The following GFPT1 variants were observed in gnomAD, a reference collection of about 807,000 sequenced individuals.
GFPT1 encodes glutamine--fructose-6-phosphate aminotransferase [isomerizing] 1.
A neutral mutation model predicts 92.0 loss-of-function variants in GFPT1; 40 were observed. That is an observed-to-expected ratio of 0.43 (90% CI 0.34 to 0.57). The LOEUF is 0.57. Among genes scored for constraint, GFPT1 ranks in the 20% least tolerant of loss-of-function variants. The probability of loss-of-function intolerance (pLI) is 0.02; values close to 1 mark genes in which losing one functional copy is unlikely to be tolerated. For missense variants in GFPT1, 448 were observed against 869.1 expected (o/e 0.52, Z 6.09); for synonymous variants, 269 against 280.6 (o/e 0.96, Z 0.41).
chr2:69,326,121 G>C lies in GFPT1; in HGVS notation c.*68C>G, dbSNP rs1574038189. 2.0e-6 allele frequency: 2 copies of C among 1,023,182 alleles called. No homozygotes were observed. The highest frequency in any genetic ancestry group is 4.8e-5 in the East Asian group (2 of 42,032). 63.4% of individuals were successfully genotyped at this position (1,023,182 alleles called of 1,614,324 possible). On this transcript the variant is annotated 3_prime_UTR_variant, in exon 20 of 20. Transcript: ENST00000357308. ...TCAAGGGGTGATATTTTAAATCAAG[G>C]TTTTAAATACAAAAGGTGTCTTGTG...
intron 3 of GFPT1, among the ~76,000 whole-genome samples, chr2:69,367,890 C>T (rs1012786142): frequency 6.6e-6 from 1 of 152,206 alleles, no homozygotes; most frequent in African/African-American, 2.4e-5. Flanking sequence ...GCAATATCTA[C>T]AAGTTTCCAT....
intron 7 of GFPT1, among the ~76,000 whole-genome samples, chr2:69,356,068 T>C (rs1671330340): frequency 7.4e-6 from 1 of 134,368 alleles, no homozygotes; most frequent in Non-Finnish European, 1.5e-5. Flanking sequence ...CTCGGCTCAC[T>C]GAAACCTCTT....
rs753072061 is a variant in GFPT1, at chr2:69,346,009, T to A, written c.1010-10A>T. 1 of 1,422,614 alleles carries A rather than the reference T, an allele frequency of 7.0e-7. No homozygotes were observed. The allele number at this position is 1,422,614 out of a possible 1,614,324, so 88.1% of individuals were successfully genotyped here. A position where few individuals can be genotyped will look rare whatever the true frequency, so the allele number is the denominator to read the frequency against. On this transcript the variant is annotated splice_polypyrimidine_tract_variant and intron_variant, in intron 11 of 19. Transcript: ENST00000357308. ...AATGAACTGAAGTTGCCTATAGTAA[T>A]AGAAATCACATAATTAAAACAAAAA... is the stretch of plus-strand genomic sequence containing the variant.
At chr2:69,380,661 G>C (rs969924046) in intron 1 of GFPT1, among the ~76,000 whole-genome samples, 2 of 152,052 alleles carry the variant, frequency 1.3e-5, no homozygotes, top group African/African-American at 4.8e-5. Context: ...TCTCTCTTCT[G>C]ACCATTCACA....
intron 12 of GFPT1, among the ~76,000 whole-genome samples, chr2:69,344,829 T>C (rs542171077): frequency 6.6e-6 from 1 of 151,662 alleles, no homozygotes; most frequent in South Asian, 2.1e-4. Context: ...AAATTTTTAG[T>C]AAAAAGGAGG....
intron 8 of GFPT1, 53 bp downstream of exon 8, chr2:69,354,435 TA>T: frequency 7.6e-7 from 1 of 1,309,140 alleles, no homozygotes; most frequent in African/African-American, 1.4e-5. Flanking sequence ...TATTCCAACT[TA>T]AGGAAAATAA....
chr2:69,387,133 C>T lies in GFPT1; in HGVS notation c.-62G>A. ...TGGCTGGCGGGATCGGGGGTGCACA[C>T]ACGAGCTTCGGTGGGCAATCTGCGG... On this transcript the variant is annotated 5_prime_UTR_variant, in exon 1 of 20. It adds an upstream start codon to the 5' untranslated region. Coordinates refer to ENST00000357308, the MANE Select transcript of GFPT1 (RefSeq NM_001244710.2). 1 of 1,500,238 alleles carries T rather than the reference C, an allele frequency of 6.7e-7. No homozygotes were observed. The highest frequency in any genetic ancestry group is 1.2e-5 in the South Asian group (1 of 80,740). 92.9% of individuals were successfully genotyped at this position (1,500,238 alleles called of 1,614,324 possible).
Position 69,325,646 on chromosome 2 carries a change from T to C in GFPT1, c.*543A>G, listed in dbSNP as rs1212871667. The C allele has an allele frequency of 6.6e-6, 1 of 152,562 alleles. No homozygotes were observed. The highest frequency in any genetic ancestry group is 6.5e-5 in the Admixed American group (1 of 15,332). The allele number at this position is 152,562 out of a possible 1,614,324, so 9.5% of individuals were successfully genotyped here. A position where few individuals can be genotyped will look rare whatever the true frequency, so the allele number is the denominator to read the frequency against. On this transcript the variant is annotated 3_prime_UTR_variant, in exon 20 of 20. Coordinates refer to ENST00000357308, the MANE Select transcript of GFPT1 (RefSeq NM_001244710.2). The stretch of plus-strand genomic sequence containing the variant: ...GCTAACCAAACTTAGATATAAATCC[T>C]ACCAATAAAATTTTTCAGTTTTAAG...
intron 4 of GFPT1, among the ~76,000 whole-genome samples, chr2:69,363,341 C>T (rs1185288110): frequency 1.3e-5 from 2 of 152,060 alleles, no homozygotes; most frequent in East Asian, 3.9e-4. Context: ...TGGACTCAAG[C>T]AATCCTCCCA....
intron 4 of GFPT1, among the ~76,000 whole-genome samples, chr2:69,362,236 C>G (rs1310796481): frequency 6.6e-6 from 1 of 152,062 alleles, no homozygotes; most frequent in South Asian, 2.1e-4. Context: ...TCAGGTGATC[C>G]TCCTGCCTTA....
intron 7 of GFPT1, 91 bp downstream of exon 7, chr2:69,356,405 T>G: frequency 1.1e-6 from 1 of 907,566 alleles, no homozygotes; most frequent in Non-Finnish European, 1.9e-6. Context: ...GGCAGAGCCT[T>G]TATAATAAAG....
chr2:69,350,710 C>T (rs1472678361), intron 9 of GFPT1, among the ~76,000 whole-genome samples: 1 of 152,064 alleles, frequency 6.6e-6, no homozygotes, highest in African/African-American at 2.4e-5. Context: ...CAAGACCAGC[C>T]TGGTCAACAT....
At chr2:69,359,018 C>A (rs1463809523) in intron 5 of GFPT1, among the ~76,000 whole-genome samples, 1 of 152,182 alleles carries the variant, frequency 6.6e-6, no homozygotes, top group African/African-American at 2.4e-5. Flanking sequence ...CCACAAAATT[C>A]CAATTTTATT....
At chr2:69,387,008 C>G (rs1349926841) in intron 1 of GFPT1, 57 bp downstream of exon 1, 2 of 1,353,472 alleles carry the variant, frequency 1.5e-6, no homozygotes, top group Non-Finnish European at 2.0e-6. Flanking sequence ...CTTAGCGGCA[C>G]CCGCACCGCA....
chr2:69,336,345 AAAAAAAAAAAAG>A (rs894613686), intron 15 of GFPT1, among the ~76,000 whole-genome samples: 11 of 150,618 alleles, frequency 7.3e-5, no homozygotes, highest in Non-Finnish European at 1.5e-4. Flanking sequence ...TCTCCAAAAA[AAAAAAAAAAAAG>A]AAAAAGAAAA....
chr2:69,386,099 A>T (rs1175195050), intron 1 of GFPT1, among the ~76,000 whole-genome samples: 2 of 152,178 alleles, frequency 1.3e-5, no homozygotes, highest in African/African-American at 4.8e-5. Flanking sequence ...GAAAGGTAAG[A>T]ATACAATTAT....
At chr2:69,363,799 G>A (rs1006540419) in intron 3 of GFPT1, 129 bp from the exon 4 acceptor site, 2 of 745,054 alleles carry the variant, frequency 2.7e-6, no homozygotes, top group Admixed American at 4.3e-5. Context: ...CTAAAGATCA[G>A]GCATATTCAA....
chr2:69,367,052 T>C (rs961549980), intron 3 of GFPT1, among the ~76,000 whole-genome samples: 2 of 152,238 alleles, frequency 1.3e-5, no homozygotes, highest in East Asian at 1.9e-4. Context: ...GTGTGGTATA[T>C]GGAAACTTGA....
chr2:69,380,501 C>A (rs1249769723), intron 1 of GFPT1, among the ~76,000 whole-genome samples: 2 of 152,186 alleles, frequency 1.3e-5, no homozygotes, highest in Admixed American at 1.3e-4. Flanking sequence ...CTCCATGACA[C>A]GTCTCTTGCA....
Sources: allele counts gnomAD v4.1 joint callset (sites outside exome capture counted in the v4.1 genomes callset), GRCh38; gene constraint gnomAD v4.1.1; transcripts MANE v1.5; gene names NCBI Gene and HGNC (gene_info 2026-07-23, HGNC 2026-07-21).